The following TBC1D30 variants were observed in gnomAD, a reference collection of about 807,000 sequenced individuals.
The protein encoded by TBC1D30 is TBC1 domain family member 30.
A neutral mutation model predicts 63.2 loss-of-function variants in TBC1D30; 31 were observed. That is an observed-to-expected ratio of 0.49 (90% CI 0.37 to 0.66). The LOEUF is 0.66. TBC1D30 is among the 30% of genes least tolerant of loss of function. The pLI is 0.00. For synonymous variants in TBC1D30, 307 were observed against 361.5 expected (o/e 0.85, Z 1.71); for missense variants, 810 against 953.6 (o/e 0.85, Z 1.98).
chr12:64,843,243 C>T (rs1353431392), intron 7 of TBC1D30, 137 bp from the exon 8 acceptor site: 1 of 696,618 alleles, frequency 1.4e-6, no homozygotes, highest in Non-Finnish European at 2.3e-6. Context: ...AATCCTCCCG[C>T]CCCAGCCTCC....
intron 2 of TBC1D30, among the ~76,000 whole-genome samples, chr12:64,791,350 G>T (rs1208764030): frequency 6.6e-6 from 1 of 152,114 alleles, no homozygotes; most frequent in Non-Finnish European, 1.5e-5. Flanking sequence ...GGTGATGGTT[G>T]TACAATTTTA....
chr12:64,825,108 C>A, intron 1 of TBC1D30, 75 bp downstream of exon 1: 1 of 1,470,538 alleles, frequency 6.8e-7, no homozygotes, highest in Non-Finnish European at 9.0e-7. Flanking sequence ...CTTAGCCTGA[C>A]TCCGTCTAGG....
chr12:64,831,973 T>A, intron 4 of TBC1D30, 146 bp from the exon 5 acceptor site: 1 of 618,040 alleles, frequency 1.6e-6, no homozygotes. Context: ...AAAATGCATT[T>A]TGGCTCATAT....
At chr12:64,808,945 C>G (rs966983906) in intron 2 of TBC1D30, among the ~76,000 whole-genome samples, 1 of 152,172 alleles carries the variant, frequency 6.6e-6, no homozygotes, top group African/African-American at 2.4e-5. Context: ...TTCCATTCAT[C>G]CATCCATTCA....
chr12:64,769,184 A>G (rs1211936960), intron 1 of TBC1D30, among the ~76,000 whole-genome samples: 2 of 151,816 alleles, frequency 1.3e-5, no homozygotes, highest in South Asian at 2.1e-4. Context: ...AAATTTTAGT[A>G]CATGTAGAAC....
chr12:64,859,584 C>G (rs1205681637), intron 8 of TBC1D30, among the ~76,000 whole-genome samples: 1 of 152,094 alleles, frequency 6.6e-6, no homozygotes, highest in Admixed American at 6.6e-5. Context: ...GTGAAATTGA[C>G]TGGACTTGGC....
In TBC1D30 at chr12:64,876,619, T is replaced by C. The variant is rs986944483; in HGVS notation, c.*831T>C. 12 of 359,644 alleles carry C rather than the reference T, an allele frequency of 3.3e-5. No homozygotes were observed. The highest frequency in any genetic ancestry group is 6.6e-5 in the Non-Finnish European group (12 of 181,156). The allele number at this position is 359,644 out of a possible 1,614,324, so 22.3% of individuals were successfully genotyped here. Reference sequence around the variant, plus strand: ...GGCTCCATGCGGAGCCTGGCCTGCATCCCCCACCACACAGCTCACTCACCC... The same window carrying C: ...GGCTCCATGCGGAGCCTGGCCTGCACCCCCCACCACACAGCTCACTCACCC... On this transcript the variant is annotated 3_prime_UTR_variant, in exon 12 of 12. Coordinates refer to ENST00000539867, the MANE Select transcript of TBC1D30 (RefSeq NM_015279.2).
chr12:64,770,656 G>A (rs1425607278), intron 1 of TBC1D30, among the ~76,000 whole-genome samples: 2 of 151,946 alleles, frequency 1.3e-5, no homozygotes, highest in African/African-American at 2.4e-5. Flanking sequence ...TCTCATGCAC[G>A]TGGCCATTGT....
At position 64,872,540 on chromosome 12, in the gene TBC1D30, T is replaced by G. The variant is rs1878736072; in HGVS notation, c.1498+1732T>G. ...GCTCTAGAGCTTTGGTTCTTGAAAT[T>G]TAGTGTGCATACAGATCATTTGGGG... On this transcript the variant is annotated intron_variant, in intron 11 of 11. Coordinates refer to ENST00000539867, the MANE Select transcript of TBC1D30 (RefSeq NM_015279.2). Among the ~76,000 whole-genome samples, 3 of 152,162 alleles carry G rather than the reference T, an allele frequency of 2.0e-5. No individual in the cohort carries two copies. The South Asian group carries it at 6.2e-4, about 31-fold the overall frequency.
chr12:64,860,152 A>C (rs909570776), intron 8 of TBC1D30, among the ~76,000 whole-genome samples: 5 of 150,854 alleles, frequency 3.3e-5, no homozygotes, highest in African/African-American at 1.2e-4. Context: ...CAAGTAACTG[A>C]GTCTACAGGC....
At chr12:64,783,869 G>T in intron 1 of TBC1D30, among the ~76,000 whole-genome samples, 1 of 608 alleles carries the variant, frequency 1.6e-3, no homozygotes. Context: ...TGTTGGTCAG[G>T]CTGGTCTCAA....
chr12:64,813,221 C>T (rs987810636), intron 2 of TBC1D30, among the ~76,000 whole-genome samples: 1 of 152,102 alleles, frequency 6.6e-6, no homozygotes, highest in Admixed American at 6.6e-5. Flanking sequence ...GAAACCCCGT[C>T]TCTACTAAAA....
At chr12:64,869,413 G>A (rs1452474281) in intron 10 of TBC1D30, among the ~76,000 whole-genome samples, 4 of 152,078 alleles carry the variant, frequency 2.6e-5, no homozygotes, top group Non-Finnish European at 2.9e-5. Flanking sequence ...TGTTTTGTGA[G>A]TATGTCTTTG....
intron 8 of TBC1D30, among the ~76,000 whole-genome samples, chr12:64,856,372 T>A (rs1877301981): frequency 6.6e-6 from 1 of 152,196 alleles, no homozygotes; most frequent in African/African-American, 2.4e-5. Context: ...ATCCAAATTA[T>A]CACCAGGTAT....
chr12:64,832,653 A>C (rs1186789423), intron 5 of TBC1D30, among the ~76,000 whole-genome samples: 1 of 152,242 alleles, frequency 6.6e-6, no homozygotes, highest in African/African-American at 2.4e-5. Flanking sequence ...ATCTAGGCAC[A>C]GCCTAACTGC....
chr12:64,841,674 C>T (rs1356549637), intron 7 of TBC1D30, among the ~76,000 whole-genome samples: 1 of 152,234 alleles, frequency 6.6e-6, no homozygotes, highest in Non-Finnish European at 1.5e-5. Flanking sequence ...GAGCTACTTG[C>T]AGTTCCCCAG....
chr12:64,803,654 C>A (rs1321034752), intron 2 of TBC1D30, among the ~76,000 whole-genome samples: 1 of 152,160 alleles, frequency 6.6e-6, no homozygotes, highest in South Asian at 2.1e-4. Context: ...AGTCTTTAAT[C>A]CATCTTGAAT....
chr12:64,780,471 C>G (rs1244817167), upstream of TBC1D30, among the ~76,000 whole-genome samples: 1 of 152,222 alleles, frequency 6.6e-6, no homozygotes, highest in Non-Finnish European at 1.5e-5. Context: ...AGCGCCCTCC[C>G]CCTCCGTGCT....
chr12:64,838,864 C>G lies in TBC1D30; in HGVS notation c.932+13C>G, dbSNP rs1875598317. ...CAAAATTAGGAGAGTAAGTGATTTC[C>G]ACCTTCTGCTCTGTTCTGTGATGTT... is the stretch of plus-strand genomic sequence containing the variant. On this transcript the variant is annotated intron_variant, in intron 7 of 11. Transcript: ENST00000539867. 6.5e-7 allele frequency: 1 copy of G among 1,535,560 alleles called. No homozygotes were observed. Among genetic ancestry groups the G allele is most frequent in the Non-Finnish European group, 8.7e-7 (1 of 1,146,636 alleles).
Sources: allele counts gnomAD v4.1 joint callset (sites outside exome capture counted in the v4.1 genomes callset), GRCh38; gene constraint gnomAD v4.1.1; transcripts MANE v1.5; gene names NCBI Gene and HGNC (gene_info 2026-07-23, HGNC 2026-07-21).